SLC6A9: variants seen among roughly 807,000 people sequenced by gnomAD.
SLC6A9 encodes the protein sodium- and chloride-dependent glycine transporter 1.
SLC6A9 carries 31 observed loss-of-function variants against 70.9 expected under a neutral mutation model. The observed-to-expected ratio is 0.44, with a 90% CI of 0.33 to 0.59. SLC6A9 has a LOEUF of 0.59. Ranked by LOEUF, SLC6A9 falls within the 20% of genes least tolerant of loss-of-function variation. SLC6A9 has a pLI of 0.04. For synonymous variants in SLC6A9, 310 were observed against 341.3 expected (o/e 0.91, Z 1.01); for missense variants, 631 against 845.2 (o/e 0.75, Z 3.14).
At chr1:43,999,932 C>G (rs2086028353) in intron 12 of SLC6A9, among the ~76,000 whole-genome samples, 1 of 152,208 alleles carries the variant, frequency 6.6e-6, no homozygotes, top group African/African-American at 2.4e-5. Context: ...AGGAAGGAGC[C>G]AAGTCATACG....
intron 1 of SLC6A9, among the ~76,000 whole-genome samples, chr1:44,027,376 G>GT (rs1318321557): frequency 6.6e-6 from 1 of 152,188 alleles, no homozygotes; most frequent in Non-Finnish European, 1.5e-5. Context: ...AAGTTCTGAA[G>GT]TTTCTGCCTA....
Position 44,030,151 on chromosome 1 carries a change from C to T in SLC6A9, c.-86+1155G>A, listed in dbSNP as rs577443769. On this transcript the variant is annotated intron_variant, in intron 1 of 13. Coordinates refer to ENST00000372310, the MANE Select transcript of SLC6A9 (RefSeq NM_001024845.3). ...GGCGCGGAGGCCTCCGGCCGGCGGG[C>T]AGGGGCGCGGTCGGTCTGGGAGCAG... 2.0e-3 allele frequency among the ~76,000 whole-genome samples: 311 copies of T among 152,190 alleles called. 2 individuals carry two copies. Among genetic ancestry groups the T allele is most frequent in the Non-Finnish European group, 3.4e-3 (234 of 67,980 alleles).
intron 2 of SLC6A9, among the ~76,000 whole-genome samples, chr1:44,016,243 G>A (rs1377714695): frequency 6.6e-6 from 1 of 152,022 alleles, no homozygotes; most frequent in Non-Finnish European, 1.5e-5. Context: ...GGCTGGGGGC[G>A]GCGTCTACCC....
chr1:44,017,413 T>G, intron 2 of SLC6A9: 4 of 1,116,216 alleles, frequency 3.6e-6, no homozygotes, highest in Non-Finnish European at 4.5e-6. Context: ...ACACACAGAC[T>G]GGGGCAGAGC....
chr1:44,003,219 C>T (rs1336582888), intron 5 of SLC6A9, among the ~76,000 whole-genome samples: 1 of 152,252 alleles, frequency 6.6e-6, no homozygotes, highest in East Asian at 1.9e-4. Context: ...TTCCCAGGCC[C>T]TTCAAGGGCT....
At chr1:44,000,718 C>T (rs1337164634) in intron 12 of SLC6A9, 49 bp downstream of exon 12, 4 of 1,255,944 alleles carry the variant, frequency 3.2e-6, no homozygotes, top group Admixed American at 3.7e-5. Context: ...GAGATGGACA[C>T]ATGGCCAAGG....
intron 2 of SLC6A9, 91 bp downstream of exon 2, chr1:44,024,155 GGC>G (rs1334618365): frequency 2.2e-6 from 3 of 1,336,030 alleles, no homozygotes; most frequent in Non-Finnish European, 3.2e-6. Flanking sequence ...TGGCAGTGCC[GGC>G]CTTCCTAAGC....
intron 4 of SLC6A9, 115 bp from the exon 5 acceptor site, chr1:44,008,738 C>T (rs1557680072): frequency 4.9e-6 from 4 of 814,356 alleles, no homozygotes; most frequent in Non-Finnish European, 7.5e-6. Flanking sequence ...TGGAGTCTAG[C>T]TCTGTTGCCC....
chr1:44,000,259 A>T (rs989716788), intron 12 of SLC6A9, among the ~76,000 whole-genome samples: 2 of 152,170 alleles, frequency 1.3e-5, no homozygotes, highest in African/African-American at 4.8e-5. Context: ...ATATTCATAA[A>T]ACCTGGAACT....
chr1:44,003,012 G>A (rs751270799), intron 5 of SLC6A9, 27 bp from the exon 6 acceptor site: 4 of 1,612,968 alleles, frequency 2.5e-6, no homozygotes, highest in East Asian at 2.2e-5. Context: ...CTGTCACTGA[G>A]GGCCAGCCGC....
In SLC6A9 at chr1:44,001,011, G is replaced by A. The variant is rs532230193; in HGVS notation, c.1380C>T (p.Ser460=). Residue 460 remains serine (S), a synonymous_variant, in exon 11 of 14, where the codon AGC becomes AGT. Transcript: ENST00000372310. Reference sequence around the variant, plus strand: ...TGCAGGAGATGACCACCAAGGAGAAGCTGGCCGCATAGTTGTCCATCAGCA... The same window carrying A: ...TGCAGGAGATGACCACCAAGGAGAAACTGGCCGCATAGTTGTCCATCAGCA... The part of the protein sequence containing the change: ...WLLLMDNYAA[S]FSLVVISCIM... 1.3e-6 allele frequency: 2 copies of A among 1,582,120 alleles called. No individual in the cohort carries two copies. Among genetic ancestry groups the A allele is most frequent in the South Asian group, 1.2e-5 (1 of 85,878 alleles).
rs1432493703 is a variant in SLC6A9, at chr1:44,018,630, TAATAATA to T, written c.30+5611_30+5617del. On this transcript the variant is annotated intron_variant, in intron 2 of 13. Coordinates refer to ENST00000372310, the MANE Select transcript of SLC6A9 (RefSeq NM_001024845.3). The surrounding 1 kb of genome is among the most constrained non-coding windows in gnomAD (Gnocchi z 4.2). ...ATAATAATAATAATAATAATAATAA[TAATAATA>T]AATAAAAATAAAAAGACAGGTGGGG... Among the ~76,000 whole-genome samples the T allele has an allele frequency of 3.4e-5, 5 of 145,754 alleles. No homozygotes were observed. Among genetic ancestry groups the T allele is most frequent in the Non-Finnish European group, 6.1e-5 (4 of 65,822 alleles).
At chr1:44,022,885 T>C (rs574752618) in intron 2 of SLC6A9, among the ~76,000 whole-genome samples, 1 of 152,076 alleles carries the variant, frequency 6.6e-6, no homozygotes, top group South Asian at 2.1e-4. Context: ...TTTGTATTTT[T>C]AGTAGAGACA....
At chr1:44,021,409 G>A (rs1042584898) in intron 2 of SLC6A9, among the ~76,000 whole-genome samples, 4 of 152,200 alleles carry the variant, frequency 2.6e-5, no homozygotes, top group South Asian at 2.1e-4. Flanking sequence ...GCCTGGGCAC[G>A]TGCTGGTAAG....
At chr1:44,017,538 G>T (rs72544126) in intron 2 of SLC6A9, among the ~76,000 whole-genome samples, 1,556 of 152,326 alleles carry the variant, frequency 0.01, 23 homozygotes, top group African/African-American at 0.036. Flanking sequence ...GAGTGACGGG[G>T]TCTGCCCCAT....
intron 5 of SLC6A9, among the ~76,000 whole-genome samples, chr1:44,007,326 C>A (rs936834086): frequency 1.2e-4 from 18 of 152,184 alleles, no homozygotes; most frequent in African/African-American, 4.3e-4. Flanking sequence ...GCTGTTCATA[C>A]CTACCATGGG....
intron 3 of SLC6A9, 58 bp from the exon 4 acceptor site, chr1:44,010,154 C>T: frequency 6.3e-7 from 1 of 1,599,440 alleles, no homozygotes; most frequent in Non-Finnish European, 8.5e-7. Flanking sequence ...TCACCCTGGG[C>T]TTCCTGCTCA....
rs1384939698 is a variant in SLC6A9, at chr1:44,002,152, T to C, written c.962+161A>G. 6.6e-6 allele frequency among the ~76,000 whole-genome samples: 1 copy of C among 152,098 alleles called. No homozygotes were observed. Among genetic ancestry groups the C allele is most frequent in the Non-Finnish European group, 1.5e-5 (1 of 68,016 alleles). ...CTCTTCTCTCTCCTGCCTAAACCTC[T>C]CTCCTCATTCTCCAACAACTTTATC... On this transcript the variant is annotated intron_variant, in intron 8 of 13. Coordinates refer to ENST00000372310, the MANE Select transcript of SLC6A9 (RefSeq NM_001024845.3). This position sits in a 1 kb window ranked among gnomAD's most constrained non-coding sequence, Gnocchi z 5.5.
At chr1:44,021,034 G>C (rs2086872283) in intron 2 of SLC6A9, among the ~76,000 whole-genome samples, 1 of 152,224 alleles carries the variant, frequency 6.6e-6, no homozygotes. Flanking sequence ...ACTAGGGAGG[G>C]GACTGAGGTG....
Sources: gnomAD v4.1 joint callset for allele counts (sites outside exome capture counted in the v4.1 genomes callset) on GRCh38, gnomAD v4.1.1 for gene constraint, Gnocchi (gnomAD v3.1) non-coding constraint, MANE v1.5 for transcripts, NCBI Gene and HGNC (gene_info 2026-07-23, HGNC 2026-07-21) for gene names.